STAT1: variants seen among roughly 807,000 people sequenced by gnomAD.
The protein encoded by STAT1 is signal transducer and activator of transcription 1, also known as signal transducer and activator of transcription 1-alpha/beta.
STAT1 carries 24 observed loss-of-function variants against 111.7 expected under a neutral mutation model. The ratio of observed to expected loss-of-function variants is 0.21; its 90% CI spans 0.16 to 0.30. The LOEUF is 0.30. Among genes scored for constraint, STAT1 ranks in the 10% least tolerant of loss-of-function variants. The pLI is 1.00. For synonymous variants in STAT1, 332 were observed against 326.5 expected (o/e 1.02, Z -0.18); for missense variants, 351 against 911.9 (o/e 0.38, Z 7.92).
Position 190,982,837 on chromosome 2 carries a change from A to G in STAT1, c.1447-319T>C, listed in dbSNP as rs1692492124. 6.6e-6 allele frequency among the ~76,000 whole-genome samples: 1 copy of G among 152,234 alleles called. No individual in the cohort carries two copies. Reference sequence around the variant, plus strand: ...AGTCTCTTAACACGCTTCCAACTGAAGCCAAACAAAATGACACTCGCTTCC... The same window carrying G: ...AGTCTCTTAACACGCTTCCAACTGAGGCCAAACAAAATGACACTCGCTTCC... On this transcript the variant is annotated intron_variant, in intron 17 of 24. Transcript: ENST00000361099. This position sits in a 1 kb window ranked among gnomAD's most constrained non-coding sequence, Gnocchi z 7.3.
chr2:190,981,742 A>G lies in STAT1; in HGVS notation c.1582+641T>C, dbSNP rs779585743. On this transcript the variant is annotated intron_variant, in intron 18 of 24. Transcript: ENST00000361099. The surrounding 1 kb of genome is among the most constrained non-coding windows in gnomAD (Gnocchi z 4.1). Reference sequence around the variant, plus strand: ...AAGTTGTCCACGGATTTTTAAAGAAATAGTTCAGATAGCCTCACTCACTGA... The same window carrying G: ...AAGTTGTCCACGGATTTTTAAAGAAGTAGTTCAGATAGCCTCACTCACTGA... 2.1e-4 allele frequency among the ~76,000 whole-genome samples: 32 copies of G among 152,270 alleles called. No individual in the cohort carries two copies. The highest frequency in any genetic ancestry group is 4.3e-4 in the Non-Finnish European group (29 of 68,044).
rs1007993831 is a variant in STAT1 at position 190,973,925 on chromosome 2, C to T, written c.2238+905G>A. ...CATTCCCCAAATGTCTGAAGAGTGA[C>T]GCCCTCTCATTCTCGCTCACCTTTC... is the stretch of plus-strand genomic sequence containing the variant. On this transcript the variant is annotated intron_variant, in intron 24 of 24. Transcript: ENST00000361099. This position sits in a 1 kb window ranked among gnomAD's most constrained non-coding sequence, Gnocchi z 4.4. Among the ~76,000 whole-genome samples the T allele has an allele frequency of 6.6e-6, 1 of 152,260 alleles. No homozygotes were observed. The highest frequency in any genetic ancestry group is 1.5e-5 in the Non-Finnish European group (1 of 68,024).
Position 191,007,643 on chromosome 2 carries a change from G to C in STAT1, c.292C>G (p.Pro98Ala), listed in dbSNP as rs756147217. 6.2e-7 allele frequency: 1 copy of C among 1,612,964 alleles called. No homozygotes were observed. The highest frequency in any genetic ancestry group is 8.5e-7 in the Non-Finnish European group (1 of 1,179,520). ...RNLQDNFQED[P>A]IQMSMIIYSC... Reference sequence around the variant, plus strand: ...TAAATGATCATAGACATCTGGATTGGGTCTTCCTGAAAATTATCCTAGATT... The same window carrying C: ...TAAATGATCATAGACATCTGGATTGCGTCTTCCTGAAAATTATCCTAGATT... The change falls in exon 5 of 25, where the codon CCA (proline) becomes GCA (alanine). Residue 98 changes from proline (P) to alanine (A), a missense_variant. Pro to Ala is a conservative substitution (Grantham distance 27). Around this residue, in one of 7 missense-constraint regions of STAT1, gnomAD observed 44 missense variants for 144.2 expected, o/e 0.31. Coordinates refer to ENST00000361099, the MANE Select transcript of STAT1 (RefSeq NM_007315.4). The surrounding 1 kb of genome is among the most constrained non-coding windows in gnomAD (Gnocchi z 4.2).
rs1275361772 is a variant in STAT1, at chr2:190,977,163, C to G, written c.1874-138G>C. The G allele has an allele frequency of 5.2e-6, 4 of 764,536 alleles. No homozygotes were observed. Among genetic ancestry groups the G allele is most frequent in the Non-Finnish European group, 8.9e-6 (4 of 447,296 alleles). The allele number at this position is 764,536 out of a possible 1,614,324, so 47.4% of individuals were successfully genotyped here. On this transcript the variant is annotated intron_variant, in intron 21 of 24. Transcript: ENST00000361099. The surrounding 1 kb of genome is among the most constrained non-coding windows in gnomAD (Gnocchi z 4.7). ...CACAATCTAAGCATTATAACATATA[C>G]AGTAGACTGCTTTATTTCTAAATAA... is the stretch of plus-strand genomic sequence containing the variant.
In STAT1 at chr2:190,981,191, C is replaced by T. The variant is rs1692362155; in HGVS notation, c.1583-522G>A. Among the ~76,000 whole-genome samples the T allele has an allele frequency of 6.6e-6, 1 of 152,196 alleles. No individual in the cohort carries two copies. Among genetic ancestry groups the T allele is most frequent in the African/African-American group, 2.4e-5 (1 of 41,436 alleles). Reference sequence around the variant, plus strand: ...CTCTTCCCACTGCCTTCCTCTGCTGCTCAGCAGAGCCCCCTCTCCCAAGGA... The same window carrying T: ...CTCTTCCCACTGCCTTCCTCTGCTGTTCAGCAGAGCCCCCTCTCCCAAGGA... On this transcript the variant is annotated intron_variant, in intron 18 of 24. Coordinates refer to ENST00000361099, the MANE Select transcript of STAT1 (RefSeq NM_007315.4). The surrounding 1 kb of genome is among the most constrained non-coding windows in gnomAD (Gnocchi z 4.1).
chr2:191,009,052 A>T lies in STAT1; in HGVS notation c.184T>A (p.Ser62Thr), dbSNP rs1694923427. The T allele has an allele frequency of 6.2e-7, 1 of 1,614,040 alleles. No homozygotes were observed. The highest frequency in any genetic ancestry group is 1.7e-5 in the Admixed American group (1 of 60,006). Residue 62 changes from serine to threonine, a missense_variant, in exon 4 of 25, where the codon TCA becomes ACA. Coordinates refer to ENST00000361099, the MANE Select transcript of STAT1 (RefSeq NM_007315.4). ...FATIRFHDLL[S>T]QLDDQYSRFS... is the part of the protein sequence containing the mutation. ...CGACTATATTGATCATCCAGCTGTGACAGGAGGTCATGAAAACGGATGGTG... is the reference window on the plus strand; with the variant it reads ...CGACTATATTGATCATCCAGCTGTGTCAGGAGGTCATGAAAACGGATGGTG...
Position 190,984,369 on chromosome 2 carries a change from G to A in STAT1, c.1288C>T (p.Leu430Phe). The A allele has an allele frequency of 6.2e-7, 1 of 1,614,048 alleles. No homozygotes were observed. Among genetic ancestry groups the A allele is most frequent in the Non-Finnish European group, 8.5e-7 (1 of 1,179,936 alleles). The change falls in exon 16 of 25, where the codon CTT becomes TTT. Residue 430 changes from leucine (L) to phenylalanine (F), a missense_variant. By Grantham distance (22) the Leu-to-Phe change is conservative. This residue lies in a region of STAT1 where 181 missense variants were observed against 426.1 expected (regional missense o/e 0.42). Coordinates refer to ENST00000361099, the MANE Select transcript of STAT1 (RefSeq NM_007315.4). The surrounding 1 kb of genome is among the most constrained non-coding windows in gnomAD (Gnocchi z 5.2). Reference protein sequence around the residue: ...NEGPLIVTEELHSLSFETQLC... With the variant: ...NEGPLIVTEEFHSLSFETQLC... The stretch of plus-strand genomic sequence containing the variant: ...TGGGTTTCAAAACTAAGGGAGTGAA[G>A]CTCTTCAGTAACGATGAGAGGACCC...
At position 190,976,744 on chromosome 2, in the gene STAT1, C is replaced by G. The variant is rs1691934343; in HGVS notation, c.2059+96G>C. 29 of 1,124,660 alleles carry G rather than the reference C, an allele frequency of 2.6e-5. No individual in the cohort carries two copies. The highest frequency in any genetic ancestry group is 3.9e-5 in the Non-Finnish European group (29 of 742,814). The allele number at this position is 1,124,660 out of a possible 1,614,324, so 69.7% of individuals were successfully genotyped here. A position where few individuals can be genotyped will look rare whatever the true frequency, so the allele number is the denominator to read the frequency against. On this transcript the variant is annotated intron_variant, in intron 22 of 24. Transcript: ENST00000361099. This position sits in a 1 kb window ranked among gnomAD's most constrained non-coding sequence, Gnocchi z 6.0. Reference sequence around the variant, plus strand: ...TTTTGAAAGCCTACTCTTACCAATTCGAAAGCAAAACACTGCATGGGTGGA... The same window carrying G: ...TTTTGAAAGCCTACTCTTACCAATTGGAAAGCAAAACACTGCATGGGTGGA...
Position 190,980,722 on chromosome 2 carries a change from T to C in STAT1, c.1583-53A>G, listed in dbSNP as rs942930446. ...GCAAACAGAAACTGATTCTAAAGCT[T>C]TGGTTGGACGGATGGCTCTTGTATT... is the stretch of plus-strand genomic sequence containing the variant. On this transcript the variant is annotated intron_variant, in intron 18 of 24. Coordinates refer to ENST00000361099, the MANE Select transcript of STAT1 (RefSeq NM_007315.4). This position sits in a 1 kb window ranked among gnomAD's most constrained non-coding sequence, Gnocchi z 6.1. The C allele has an allele frequency of 5.1e-6, 8 of 1,569,662 alleles. No individual in the cohort carries two copies. The highest frequency in any genetic ancestry group is 4.4e-5 in the South Asian group (4 of 89,962).
chr2:190,992,202 C>T (rs970340012), intron 10 of STAT1, among the ~76,000 whole-genome samples: 24 of 152,134 alleles, frequency 1.6e-4, no homozygotes, highest in African/African-American at 5.6e-4. Flanking sequence ...GAAGAACTAG[C>T]AAATCAGATC....
At chr2:190,972,210 T>C (rs1559003423) in intron 24 of STAT1, among the ~76,000 whole-genome samples, 2 of 152,194 alleles carry the variant, frequency 1.3e-5, no homozygotes, top group African/African-American at 4.8e-5. Context: ...ACCTAGCAGA[T>C]AGGCTTGTTA....
chr2:190,970,675 G>A lies in STAT1; in HGVS notation c.*28C>T, dbSNP rs762042700. 18 of 1,611,384 alleles carry A rather than the reference G, an allele frequency of 1.1e-5. No homozygotes were observed. The highest frequency in any genetic ancestry group is 1.3e-5 in the African/African-American group (1 of 74,854). ...ATCACAGATGAGAAGGAAAACTGTCGCCAGAGAAGATGAAAAAAATTCATG... is the reference window on the plus strand; with the variant it reads ...ATCACAGATGAGAAGGAAAACTGTCACCAGAGAAGATGAAAAAAATTCATG... On this transcript the variant is annotated 3_prime_UTR_variant, in exon 25 of 25. Coordinates refer to ENST00000361099, the MANE Select transcript of STAT1 (RefSeq NM_007315.4). The surrounding 1 kb of genome is among the most constrained non-coding windows in gnomAD (Gnocchi z 5.4).
In STAT1 at chr2:190,980,001, C is replaced by A; in HGVS notation, c.1633-135G>T. On this transcript the variant is annotated intron_variant, in intron 19 of 24. Transcript: ENST00000361099. This position sits in a 1 kb window ranked among gnomAD's most constrained non-coding sequence, Gnocchi z 6.1. ...GTCCCATTCAGCACAGCAATGGGATCCCTCCCCTGGCAGGGAATATCAAGT... is the reference window on the plus strand; with the variant it reads ...GTCCCATTCAGCACAGCAATGGGATACCTCCCCTGGCAGGGAATATCAAGT... 1.5e-6 allele frequency: 1 copy of A among 686,186 alleles called. No individual in the cohort carries two copies. Among genetic ancestry groups the A allele is most frequent in the Non-Finnish European group, 2.6e-6 (1 of 381,792 alleles). The allele number at this position is 686,186 out of a possible 1,614,324, so 42.5% of individuals were successfully genotyped here.
chr2:191,008,414 T>C (rs1048784684), intron 4 of STAT1, among the ~76,000 whole-genome samples: 1 of 152,180 alleles, frequency 6.6e-6, no homozygotes, highest in Non-Finnish European at 1.5e-5. Flanking sequence ...CCTAAAACTC[T>C]ATAGCATGTT....
chr2:190,973,806 T>C lies in STAT1; in HGVS notation c.2238+1024A>G, dbSNP rs1445668764. On this transcript the variant is annotated intron_variant, in intron 24 of 24. Transcript: ENST00000361099. The surrounding 1 kb of genome is among the most constrained non-coding windows in gnomAD (Gnocchi z 4.4). Reference sequence around the variant, plus strand: ...AAGTGTAGGAAGGTACAATCTCTAATGATTGTAGCCCGTGCTTAAGGTGAG... The same window carrying C: ...AAGTGTAGGAAGGTACAATCTCTAACGATTGTAGCCCGTGCTTAAGGTGAG... 6.6e-6 allele frequency among the ~76,000 whole-genome samples: 1 copy of C among 152,180 alleles called. No homozygotes were observed. Among genetic ancestry groups the C allele is most frequent in the Non-Finnish European group, 1.5e-5 (1 of 68,034 alleles).
Position 190,986,310 on chromosome 2 carries a change from T to G in STAT1, c.1221+544A>C, listed in dbSNP as rs542868536. On this transcript the variant is annotated intron_variant, in intron 14 of 24. Transcript: ENST00000361099. The surrounding 1 kb of genome is among the most constrained non-coding windows in gnomAD (Gnocchi z 5.0). Reference sequence around the variant, plus strand: ...GCCTCACAGCAACTGGCAGCCCCCATGTTCACAGAGGAGGAAAGATGGTGC... The same window carrying G: ...GCCTCACAGCAACTGGCAGCCCCCAGGTTCACAGAGGAGGAAAGATGGTGC... Among the ~76,000 whole-genome samples, 1 of 152,250 alleles carries G rather than the reference T, an allele frequency of 6.6e-6. No individual in the cohort carries two copies. The highest frequency in any genetic ancestry group is 6.5e-5 in the Admixed American group (1 of 15,294).
Position 190,986,024 on chromosome 2 carries a change from A to G in STAT1, c.1222-364T>C, listed in dbSNP as rs1368853158. On this transcript the variant is annotated intron_variant, in intron 14 of 24. Transcript: ENST00000361099. The surrounding 1 kb of genome is among the most constrained non-coding windows in gnomAD (Gnocchi z 5.0). ...CAGCAGAGTCCTCCAGGCTGGGCCC[A>G]GTGACTCCAGGTCCACCTGCCCTCA... Among the ~76,000 whole-genome samples, 1 of 152,082 alleles carries G rather than the reference A, an allele frequency of 6.6e-6. No homozygotes were observed. The highest frequency in any genetic ancestry group is 2.1e-4 in the South Asian group (1 of 4,826).
At position 190,998,645 on chromosome 2, in the gene STAT1, G is replaced by A. The variant is rs1253089449; in HGVS notation, c.542-337C>T. 2.7e-5 allele frequency among the ~76,000 whole-genome samples: 4 copies of A among 149,190 alleles called. No homozygotes were observed. The highest frequency in any genetic ancestry group is 9.9e-5 in the African/African-American group (4 of 40,370). ...CCACTGCACTCTAGCCTGGGCGACA[G>A]AGCGAGACTCCGTCTCCAAAAAAAA... On this transcript the variant is annotated intron_variant, in intron 7 of 24. Transcript: ENST00000361099. This position sits in a 1 kb window ranked among gnomAD's most constrained non-coding sequence, Gnocchi z 4.1.
At chr2:190,992,751 G>T in intron 10 of STAT1, 1 of 840,274 alleles carries the variant, frequency 1.2e-6, no homozygotes, top group Non-Finnish European at 1.7e-6. Context: ...AATCTCAGCT[G>T]CCATCATCAT....
Sources: allele counts gnomAD v4.1 joint callset (sites outside exome capture counted in the v4.1 genomes callset), GRCh38; gene constraint gnomAD v4.1.1; regional missense constraint gnomAD v4.1.1; non-coding constraint Gnocchi (gnomAD v3.1); transcripts MANE v1.5; gene names NCBI Gene and HGNC (gene_info 2026-07-23, HGNC 2026-07-21).